The following BRINP3 variants were observed in gnomAD, a reference collection of about 807,000 sequenced individuals.
BRINP3 encodes BMP/retinoic acid inducible neural specific 3.
A neutral mutation model predicts 71.0 loss-of-function variants in BRINP3; 19 were observed. That is an observed-to-expected ratio of 0.27 (90% CI 0.19 to 0.39). The LOEUF (loss-of-function observed/expected upper bound fraction) is 0.39. BRINP3 is among the 10% of genes least tolerant of loss of function. The pLI, the probability that BRINP3 is intolerant of heterozygous loss-of-function variation, is 1.00. For missense variants in BRINP3, 959 were observed against 940.8 expected (o/e 1.02, Z -0.25); for synonymous variants, 380 against 337.7 (o/e 1.13, Z -1.37).
chr1:190,454,897 A>G lies in BRINP3; in HGVS notation c.-7T>C, dbSNP rs754287301. On this transcript the variant is annotated 5_prime_UTR_variant, in exon 2 of 8. Coordinates refer to ENST00000367462, the MANE Select transcript of BRINP3 (RefSeq NM_199051.3). ...CTCTGCTTCGCCATATCATGCTTCCACTGGGGATTTAGAGCCTTCATTCTC... is the reference window on the plus strand; with the variant it reads ...CTCTGCTTCGCCATATCATGCTTCCGCTGGGGATTTAGAGCCTTCATTCTC... The G allele has an allele frequency of 1.2e-6, 2 of 1,611,412 alleles. No individual in the cohort carries two copies. Among genetic ancestry groups the G allele is most frequent in the Non-Finnish European group, 1.7e-6 (2 of 1,177,750 alleles).
At chr1:190,346,887 C>A (rs1010633107) in intron 2 of BRINP3, among the ~76,000 whole-genome samples, 1 of 151,976 alleles carries the variant, frequency 6.6e-6, no homozygotes, top group East Asian at 1.9e-4. Flanking sequence ...ATAGTGAATA[C>A]CTTAAGGATA....
At chr1:190,476,692 T>C (rs1270763238) in intron 1 of BRINP3, among the ~76,000 whole-genome samples, 1 of 152,170 alleles carries the variant, frequency 6.6e-6, no homozygotes, top group Non-Finnish European at 1.5e-5. Flanking sequence ...AGAACCAAGA[T>C]AATCAGGGGT....
At chr1:190,299,712 C>T (rs530268056) in intron 2 of BRINP3, among the ~76,000 whole-genome samples, 4 of 151,586 alleles carry the variant, frequency 2.6e-5, no homozygotes, top group Admixed American at 2.0e-4. Context: ...CCATGTTTAG[C>T]GCTTCCTTCA....
At chr1:190,356,558 A>G (rs1296075555) in intron 2 of BRINP3, among the ~76,000 whole-genome samples, 2 of 151,938 alleles carry the variant, frequency 1.3e-5, no homozygotes, top group Non-Finnish European at 2.9e-5. Flanking sequence ...CATCAACTGC[A>G]CTAACTTTCC....
In BRINP3 at chr1:190,112,148, G is replaced by A. The variant is rs567445932; in HGVS notation, c.1185-13014C>T. Among the ~76,000 whole-genome samples the A allele has an allele frequency of 2.9e-4, 44 of 152,242 alleles. 1 individual carries two copies. In the South Asian group the frequency reaches 6.8e-3, roughly 24 times the overall value. On this transcript the variant is annotated intron_variant, in intron 7 of 7. Transcript: ENST00000367462. Reference sequence around the variant, plus strand: ...TAACTTAGTACAACAATCAAAAAAAGTAGTAACAACATGGGAGAGAATGTG... The same window carrying A: ...TAACTTAGTACAACAATCAAAAAAAATAGTAACAACATGGGAGAGAATGTG...
chr1:190,254,939 C>T (rs1036336254), intron 4 of BRINP3, among the ~76,000 whole-genome samples: 3 of 152,094 alleles, frequency 2.0e-5, no homozygotes, highest in Non-Finnish European at 4.4e-5. Context: ...TTTTGAGATA[C>T]ATTCCATCAA....
chr1:190,212,298 A>G (rs1656054448), intron 6 of BRINP3, among the ~76,000 whole-genome samples: 1 of 152,126 alleles, frequency 6.6e-6, no homozygotes, highest in South Asian at 2.1e-4. Flanking sequence ...CCAAAATTTT[A>G]AGAGATTAAA....
intron 6 of BRINP3, among the ~76,000 whole-genome samples, chr1:190,161,941 T>C (rs1379901679): frequency 1.3e-5 from 2 of 152,116 alleles, no homozygotes; most frequent in Middle Eastern, 3.4e-3. Context: ...TGCTGGGAAA[T>C]GCAACTTTTT....
chr1:190,208,097 A>C (rs531737004), intron 6 of BRINP3, among the ~76,000 whole-genome samples: 1 of 151,810 alleles, frequency 6.6e-6, no homozygotes, highest in Admixed American at 6.6e-5. Context: ...ACAGGTAAGC[A>C]CTACTACACC....
chr1:190,309,092 A>G (rs1226559051), intron 2 of BRINP3, among the ~76,000 whole-genome samples: 1 of 151,980 alleles, frequency 6.6e-6, no homozygotes, highest in African/African-American at 2.4e-5. Flanking sequence ...GTATCGATAC[A>G]AAATAAAATA....
chr1:190,101,600 T>A (rs1262473233), intron 7 of BRINP3, among the ~76,000 whole-genome samples: 1 of 152,118 alleles, frequency 6.6e-6, no homozygotes, highest in Non-Finnish European at 1.5e-5. Flanking sequence ...TTCTCTGTCC[T>A]CTCCTGTTTT....
At chr1:190,473,402 T>C (rs993242744) in intron 1 of BRINP3, among the ~76,000 whole-genome samples, 5 of 152,004 alleles carry the variant, frequency 3.3e-5, no homozygotes, top group Non-Finnish European at 5.9e-5. Context: ...AGAAAAATTA[T>C]TGATCAGGGA....
intron 6 of BRINP3, among the ~76,000 whole-genome samples, chr1:190,166,802 C>T (rs1422446894): frequency 5.3e-5 from 8 of 152,056 alleles, no homozygotes; most frequent in South Asian, 2.1e-4. Context: ...CTGCTCACTA[C>T]AACCTCCACC....
intron 2 of BRINP3, among the ~76,000 whole-genome samples, chr1:190,435,955 G>T (rs890978628): frequency 6.6e-6 from 1 of 151,920 alleles, no homozygotes; most frequent in Non-Finnish European, 1.5e-5. Context: ...AAATGCAAAT[G>T]ATTTTGTCCA....
chr1:190,149,197 C>T (rs1656171807), intron 7 of BRINP3, among the ~76,000 whole-genome samples: 1 of 152,178 alleles, frequency 6.6e-6, no homozygotes, highest in African/African-American at 2.4e-5. Flanking sequence ...TGACAGTTGT[C>T]ACTAGTGAGT....
At chr1:190,347,774 A>G (rs1668120740) in intron 2 of BRINP3, among the ~76,000 whole-genome samples, 1 of 152,138 alleles carries the variant, frequency 6.6e-6, no homozygotes, top group Admixed American at 6.6e-5. Flanking sequence ...TAAGATGACC[A>G]GATGCTTGGA....
At chr1:190,445,943 C>G (rs1170602184) in intron 2 of BRINP3, among the ~76,000 whole-genome samples, 2 of 151,844 alleles carry the variant, frequency 1.3e-5, no homozygotes, top group Non-Finnish European at 2.9e-5. Flanking sequence ...TTTATTTTGT[C>G]ATTATAATAG....
Position 190,385,166 on chromosome 1 carries a change from A to G in BRINP3, c.236+69489T>C, listed in dbSNP as rs535812021. On this transcript the variant is annotated intron_variant, in intron 2 of 7. Transcript: ENST00000367462. ...AGGCATTACCATTCAGAACATAGGCATGGGCAAGGACTTCATGTCTAAAAC... is the reference window on the plus strand; with the variant it reads ...AGGCATTACCATTCAGAACATAGGCGTGGGCAAGGACTTCATGTCTAAAAC... Among the ~76,000 whole-genome samples, 357 of 152,272 alleles carry G rather than the reference A, an allele frequency of 2.3e-3. 1 individual carries two copies. Among genetic ancestry groups the G allele is most frequent in the African/African-American group, 8.2e-3 (341 of 41,562 alleles).
chr1:190,328,892 C>T (rs924049020), intron 2 of BRINP3, among the ~76,000 whole-genome samples: 1 of 151,972 alleles, frequency 6.6e-6, no homozygotes, highest in Admixed American at 6.6e-5. Context: ...AAATGTGATT[C>T]ACCACATAAA....
Sources: allele counts gnomAD v4.1 joint callset (sites outside exome capture counted in the v4.1 genomes callset), GRCh38; gene constraint gnomAD v4.1.1; transcripts MANE v1.5; gene names NCBI Gene and HGNC (gene_info 2026-07-23, HGNC 2026-07-21).